The following INTS4 variants were observed in gnomAD, a reference collection of about 807,000 sequenced individuals.
INTS4 encodes MSTP093.
In INTS4, 70 loss-of-function variants were observed where a neutral mutation model predicts 119.5. That is an observed-to-expected ratio of 0.59 (90% CI 0.48 to 0.71). INTS4 has a LOEUF of 0.71. INTS4 is among the 30% of genes least tolerant of loss of function. The pLI, the probability that INTS4 is intolerant of heterozygous loss-of-function variation, is 0.00. For synonymous variants in INTS4, 316 were observed against 419.6 expected (o/e 0.75, Z 3.02); for missense variants, 867 against 1,173.2 (o/e 0.74, Z 3.81).
chr11:77,928,719 T>C (rs544818314), intron 10 of INTS4, among the ~76,000 whole-genome samples, 172 bp from the exon 11 acceptor site: 154 of 152,204 alleles, frequency 1.0e-3, no homozygotes, highest in Non-Finnish European at 1.7e-3. Flanking sequence ...TGTGGTAGCG[T>C]GCGCCTGTTG....
chr11:77,893,238 C>A (rs1434851586), intron 19 of INTS4, among the ~76,000 whole-genome samples: 1 of 152,166 alleles, frequency 6.6e-6, no homozygotes, highest in East Asian at 1.9e-4. Context: ...TGAAAAAATA[C>A]ATGTATTCTA....
intron 19 of INTS4, among the ~76,000 whole-genome samples, chr11:77,892,474 T>C (rs4245455): frequency 0.14 from 21,444 of 152,220 alleles, 1,684 homozygotes; most frequent in Admixed American, 0.2. Flanking sequence ...AGAGCTCTCA[T>C]CTTCCCAAAA....
intron 21 of INTS4, among the ~76,000 whole-genome samples, chr11:77,888,767 T>C (rs1952130622): frequency 6.6e-6 from 1 of 152,078 alleles, no homozygotes; most frequent in Admixed American, 6.6e-5. Flanking sequence ...GGGCAAAGGA[T>C]ATGAACAGAC....
At chr11:77,920,232 C>CATATATATACATATATACAT (rs1156554906) in intron 14 of INTS4, among the ~76,000 whole-genome samples, 6 of 14,384 alleles carry the variant, frequency 4.2e-4, no homozygotes, top group African/African-American at 1.8e-3. Flanking sequence ...CATATACATA[C>CATATATATACATATATACAT]ATATATACAT....
At chr11:77,919,096 G>C in intron 14 of INTS4, 118 bp from the exon 15 acceptor site, 2 of 1,044,730 alleles carry the variant, frequency 1.9e-6, no homozygotes, top group Non-Finnish European at 2.9e-6. Flanking sequence ...GGGGAAAAAA[G>C]GCTAGGATAT....
intron 10 of INTS4, among the ~76,000 whole-genome samples, chr11:77,929,473 A>G (rs1273855838): frequency 6.6e-6 from 1 of 152,208 alleles, no homozygotes; most frequent in African/African-American, 2.4e-5. Context: ...TACTTATCTC[A>G]GTATTCTGAC....
chr11:77,988,654 G>A (rs1183443256), intron 2 of INTS4, among the ~76,000 whole-genome samples: 9 of 152,166 alleles, frequency 5.9e-5, no homozygotes, highest in Non-Finnish European at 1.0e-4. Flanking sequence ...TTTGCATGCT[G>A]ATAGCTGCAA....
intron 16 of INTS4, among the ~76,000 whole-genome samples, chr11:77,904,509 G>A (rs750835465): frequency 3.3e-5 from 5 of 152,170 alleles, no homozygotes; most frequent in Non-Finnish European, 7.3e-5. Context: ...CTAAGTCTGA[G>A]AAATCCAGTG....
chr11:77,934,354 C>T (rs1480805782), intron 10 of INTS4, among the ~76,000 whole-genome samples: 1 of 150,942 alleles, frequency 6.6e-6, no homozygotes, highest in Admixed American at 6.6e-5. Context: ...CCTGCCAAAT[C>T]CCCCTCTCTG....
chr11:77,921,605 A>G (rs1363972893), intron 13 of INTS4, 132 bp from the exon 14 acceptor site: 1 of 649,866 alleles, frequency 1.5e-6, no homozygotes, highest in Non-Finnish European at 2.8e-6. Context: ...TGCAAATACA[A>G]ACAACAAAAT....
At chr11:77,979,893 G>T (rs1024731084) in intron 3 of INTS4, among the ~76,000 whole-genome samples, 1 of 149,066 alleles carries the variant, frequency 6.7e-6, no homozygotes, top group Non-Finnish European at 1.5e-5. Flanking sequence ...CAGGAGAATC[G>T]CTTGAACCCG....
At chr11:77,931,436 A>G (rs1031165173) in intron 10 of INTS4, among the ~76,000 whole-genome samples, 1 of 152,240 alleles carries the variant, frequency 6.6e-6, no homozygotes, top group Non-Finnish European at 1.5e-5. Flanking sequence ...TGGTTATGGT[A>G]TACTCACTTT....
chr11:77,980,448 T>C (rs71469600), intron 3 of INTS4, among the ~76,000 whole-genome samples: 1,702 of 152,298 alleles, frequency 0.011, 11 homozygotes, highest in Non-Finnish European at 0.017. Context: ...GGCATGATCA[T>C]GGCTCACTGC....
At chr11:77,940,890 C>T (rs1385519778) in intron 9 of INTS4, among the ~76,000 whole-genome samples, 6 of 152,282 alleles carry the variant, frequency 3.9e-5, no homozygotes, top group Admixed American at 3.3e-4. Context: ...CTGCCTCAGC[C>T]TCCCAAAGTG....
At position 77,953,615 on chromosome 11, in the gene INTS4, G is replaced by A. The variant is rs184224659; in HGVS notation, c.918+2327C>T. Among the ~76,000 whole-genome samples, 432 of 149,728 alleles carry A rather than the reference G, an allele frequency of 2.9e-3. 2 individuals are homozygous for A. Among genetic ancestry groups the A allele is most frequent in the African/African-American group, 9.9e-3 (400 of 40,554 alleles). The stretch of plus-strand genomic sequence containing the variant: ...TTTTTTTTTTTTGAGACAGGGTCTC[G>A]CTCTTTTGCACAGGCTGGAGTGCAA... On this transcript the variant is annotated intron_variant, in intron 8 of 22. Coordinates refer to ENST00000534064, the MANE Select transcript of INTS4 (RefSeq NM_033547.4).
intron 4 of INTS4, among the ~76,000 whole-genome samples, 172 bp from the exon 5 acceptor site, chr11:77,961,310 G>A (rs561202760): frequency 1.3e-5 from 2 of 151,944 alleles, no homozygotes; most frequent in East Asian, 1.9e-4. Flanking sequence ...ACTTGAGTAC[G>A]GGTCTTCTCA....
downstream of INTS4, among the ~76,000 whole-genome samples, chr11:77,878,208 A>T (rs978649826): frequency 9.9e-5 from 15 of 152,136 alleles, no homozygotes; most frequent in South Asian, 1.0e-3. Context: ...TAAAAATACA[A>T]AAAATTAGCA....
At chr11:77,909,283 C>G (rs905929411) in intron 15 of INTS4, among the ~76,000 whole-genome samples, 3 of 152,200 alleles carry the variant, frequency 2.0e-5, no homozygotes, top group Non-Finnish European at 4.4e-5. Context: ...TTCTGGACAT[C>G]TGGAAAAATA....
intron 18 of INTS4, among the ~76,000 whole-genome samples, chr11:77,895,811 CA>C (rs1952493328): frequency 1.3e-5 from 2 of 152,068 alleles, no homozygotes; most frequent in South Asian, 4.2e-4. Flanking sequence ...CCCCAAACGT[CA>C]AAAAAGAGCA....
Sources: gnomAD v4.1 joint callset for allele counts (sites outside exome capture counted in the v4.1 genomes callset) on GRCh38, gnomAD v4.1.1 for gene constraint, MANE v1.5 for transcripts, NCBI Gene and HGNC (gene_info 2026-07-23, HGNC 2026-07-21) for gene names.